The following ADPRM variants were observed in gnomAD, a reference collection of about 807,000 sequenced individuals.
ADPRM encodes the protein ADP-ribose/CDP-alcohol diphosphatase, manganese dependent, also known as manganese-dependent ADP-ribose/CDP-alcohol diphosphatase.
A neutral mutation model predicts 27.2 loss-of-function variants in ADPRM; 17 were observed. The ratio of observed to expected loss-of-function variants is 0.63; its 90% confidence interval spans 0.43 to 0.94. ADPRM has a LOEUF of 0.94. ADPRM is among the 40% of genes least tolerant of loss of function. ADPRM has a pLI of 0.00. For missense variants in ADPRM, 337 were observed against 412.8 expected (o/e 0.82, Z 1.59); for synonymous variants, 135 against 145.3 (o/e 0.93, Z 0.51).
intron 3 of ADPRM, among the ~76,000 whole-genome samples, chr17:10,710,600 C>T (rs1415570749): frequency 6.6e-6 from 1 of 152,212 alleles, no homozygotes; most frequent in Non-Finnish European, 1.5e-5. Context: ...GGTTTTGCCT[C>T]TACAGCAGCC....
At chr17:10,709,436 G>C (rs1348413606) in intron 3 of ADPRM, among the ~76,000 whole-genome samples, 1 of 152,166 alleles carries the variant, frequency 6.6e-6, no homozygotes, top group Non-Finnish European at 1.5e-5. Context: ...AGAAGTCCGA[G>C]GACCAAGCAT....
rs2074850624 is a variant in ADPRM, at chr17:10,711,094, G to A, written c.979G>A (p.Val327Ile). 2 of 1,613,352 alleles carry A rather than the reference G, an allele frequency of 1.2e-6. No individual in the cohort carries two copies. The highest frequency in any genetic ancestry group is 2.2e-5 in the South Asian group (2 of 91,074). The change falls in exon 4 of 4, where the codon GTT (valine) becomes ATT (isoleucine). Residue 327 changes from valine to isoleucine, a missense_variant. Transcript: ENST00000379774. The part of the protein sequence containing the change: ...DKMMLKGRGR[V>I]PDRIMNYKKE... ...AATGATGTTGAAAGGGAGAGGCAGA[G>A]TTCCAGATAGAATTATGAATTACAA...
Position 10,704,504 on chromosome 17 carries a change from A to C in ADPRM, c.-17-406A>C, listed in dbSNP as rs1201973905. ...AGCTTTCCAAAAAAAAAAAAAAAAA[A>C]AAACTTGAAGTTTTGATAGAATTAT... On this transcript the variant is annotated intron_variant, in intron 1 of 3. Transcript: ENST00000379774. 2.7e-5 allele frequency among the ~76,000 whole-genome samples: 4 copies of C among 150,674 alleles called. No individual in the cohort carries two copies. The East Asian group carries it at 7.9e-4, about 30-fold the overall frequency.
chr17:10,698,959 C>T (rs2074755724), intron 1 of ADPRM: 1 of 152,146 alleles, frequency 6.6e-6, no homozygotes. Context: ...TCTCTGATTG[C>T]CCAATTGTAG....
At position 10,705,547 on chromosome 17, in the gene ADPRM, T is replaced by C; in HGVS notation, c.601+20T>C. ...CTCAAGGTGAATTATTCCTTTGAGC[T>C]GAGAATCTAATAGATTGTCTTTAAA... On this transcript the variant is annotated intron_variant, in intron 2 of 3. Coordinates refer to ENST00000379774, the MANE Select transcript of ADPRM (RefSeq NM_020233.5). The surrounding 1 kb of genome is among the most constrained non-coding windows in gnomAD (Gnocchi z 5.4). 6.2e-7 allele frequency: 1 copy of C among 1,605,734 alleles called. No homozygotes were observed. The highest frequency in any genetic ancestry group is 8.5e-7 in the Non-Finnish European group (1 of 1,175,782).
At position 10,711,183 on chromosome 17, in the gene ADPRM, T is replaced by C. The variant is rs2151465706; in HGVS notation, c.*39T>C. ...AACTTGATAGAAAATGAGCTTTGTG[T>C]TTGTCCCTCCTAAACAAAAAAATAA... On this transcript the variant is annotated 3_prime_UTR_variant, in exon 4 of 4. Coordinates refer to ENST00000379774, the MANE Select transcript of ADPRM (RefSeq NM_020233.5). 1 of 1,512,222 alleles carries C rather than the reference T, an allele frequency of 6.6e-7. No individual in the cohort carries two copies. The highest frequency in any genetic ancestry group is 2.3e-5 in the East Asian group (1 of 44,032). 93.7% of individuals were successfully genotyped at this position (1,512,222 alleles called of 1,614,324 possible). A position where few individuals can be genotyped will look rare whatever the true frequency, so the allele number is the denominator to read the frequency against.
At chr17:10,707,189 G>T (rs1378142530) in intron 3 of ADPRM, among the ~76,000 whole-genome samples, 1 of 152,018 alleles carries the variant, frequency 6.6e-6, no homozygotes, top group African/African-American at 2.4e-5. Flanking sequence ...GGCCAACATG[G>T]TGAAACCCTC....
Position 10,711,053 on chromosome 17 carries a change from A to G in ADPRM, c.938A>G (p.His313Arg), listed in dbSNP as rs1448177521. 6.2e-7 allele frequency: 1 copy of G among 1,614,170 alleles called. No homozygotes were observed. The highest frequency in any genetic ancestry group is 8.5e-7 in the Non-Finnish European group (1 of 1,179,988). Residue 313 changes from histidine to arginine, a missense_variant, in exon 4 of 4, where the codon CAT (histidine) becomes CGT (arginine). Transcript: ENST00000379774. ...APDSQAFGTV[H>R]VYPDKMMLKG... ...GACAGCCAAGCCTTTGGCACAGTTC[A>G]TGTCTATCCTGACAAAATGATGTTG... is the stretch of plus-strand genomic sequence containing the variant.
At chr17:10,710,715 T>G (rs2074846314) in intron 3 of ADPRM, 119 bp from the exon 4 acceptor site, 3 of 850,112 alleles carry the variant, frequency 3.5e-6, no homozygotes, top group Non-Finnish European at 5.3e-6. Context: ...TCTCAGTTCA[T>G]TTGCATAATG....
chr17:10,705,584 C>A lies in ADPRM; in HGVS notation c.601+57C>A. Reference sequence around the variant, plus strand: ...AGATTGTCTTTAAATTCTTCAGCTACCTTTTATTCAGCAGGAAGATGGACA... The same window carrying A: ...AGATTGTCTTTAAATTCTTCAGCTAACTTTTATTCAGCAGGAAGATGGACA... On this transcript the variant is annotated intron_variant, in intron 2 of 3. Coordinates refer to ENST00000379774, the MANE Select transcript of ADPRM (RefSeq NM_020233.5). The surrounding 1 kb of genome is among the most constrained non-coding windows in gnomAD (Gnocchi z 5.4). 1 of 1,572,332 alleles carries A rather than the reference C, an allele frequency of 6.4e-7. No individual in the cohort carries two copies. Among genetic ancestry groups the A allele is most frequent in the Non-Finnish European group, 8.6e-7 (1 of 1,162,220 alleles).
chr17:10,700,428 G>A (rs2074768786), intron 1 of ADPRM, among the ~76,000 whole-genome samples: 1 of 151,726 alleles, frequency 6.6e-6, no homozygotes, highest in Non-Finnish European at 1.5e-5. Context: ...TCAGGAGCTT[G>A]AGACCAGCCT....
At chr17:10,698,694 T>G (rs940592965) in intron 1 of ADPRM, among the ~76,000 whole-genome samples, 2 of 152,226 alleles carry the variant, frequency 1.3e-5, no homozygotes, top group Non-Finnish European at 2.9e-5. Flanking sequence ...CGGAACATAG[T>G]GTTACCTGTG....
chr17:10,701,968 G>A (rs538141110), intron 1 of ADPRM, among the ~76,000 whole-genome samples: 54 of 152,234 alleles, frequency 3.5e-4, no homozygotes, highest in South Asian at 1.5e-3. Flanking sequence ...ACTCACTTCT[G>A]ATCCTATCTT....
rs2074850719 is a variant in ADPRM, at chr17:10,711,110, TGAATTACAA to T, written c.999_1007del (p.Asn333_Lys335del). The T allele has an allele frequency of 6.2e-7, 1 of 1,611,374 alleles. No homozygotes were observed. Among genetic ancestry groups the T allele is most frequent in the East Asian group, 2.2e-5 (1 of 44,816 alleles). Reference sequence around the variant, plus strand: ...AGAGGCAGAGTTCCAGATAGAATTATGAATTACAAGAAAGAAAGAGCCTTCCATTGTTAG... The same window carrying T: ...AGAGGCAGAGTTCCAGATAGAATTATGAAAGAAAGAGCCTTCCATTGTTAG... On this transcript the variant is annotated inframe_deletion, in exon 4 of 4. Transcript: ENST00000379774.
At chr17:10,708,710 T>C (rs1211904687) in intron 3 of ADPRM, among the ~76,000 whole-genome samples, 1 of 152,194 alleles carries the variant, frequency 6.6e-6, no homozygotes, top group Admixed American at 6.5e-5. Context: ...TTGACTTGTG[T>C]CTGCTTTTAA....
intron 1 of ADPRM, among the ~76,000 whole-genome samples, chr17:10,701,571 C>T (rs1046711148): frequency 9.2e-5 from 14 of 152,230 alleles, no homozygotes; most frequent in African/African-American, 2.2e-4. Flanking sequence ...CCTCGTGATC[C>T]GCCCACCTTG....
chr17:10,700,420 A>G (rs2074768726), intron 1 of ADPRM, among the ~76,000 whole-genome samples: 1 of 152,074 alleles, frequency 6.6e-6, no homozygotes, highest in African/African-American at 2.4e-5. Flanking sequence ...ACTTGAGCTC[A>G]GGAGCTTGAG....
chr17:10,704,476 C>A, intron 1 of ADPRM, among the ~76,000 whole-genome samples: 2 of 119,426 alleles, frequency 1.7e-5, no homozygotes, highest in Admixed American at 9.8e-5. Flanking sequence ...GAATGTAATA[C>A]ACAGCTTTCC....
intron 1 of ADPRM, chr17:10,697,933 A>C: frequency 5.4e-6 from 1 of 185,252 alleles, no homozygotes; most frequent in Non-Finnish European, 1.1e-5. Context: ...AGCCCCCATA[A>C]CCCTACCTTG....
Sources: gnomAD v4.1 joint callset for allele counts (sites outside exome capture counted in the v4.1 genomes callset) on GRCh38, gnomAD v4.1.1 for gene constraint, Gnocchi (gnomAD v3.1) non-coding constraint, MANE v1.5 for transcripts, NCBI Gene and HGNC (gene_info 2026-07-23, HGNC 2026-07-21) for gene names.